Variants in HNRNPK observed in about 807,000 individuals in gnomAD.
The protein encoded by HNRNPK is heterogeneous nuclear ribonucleoprotein K.
Under a neutral mutation model 67.0 loss-of-function variants are expected in HNRNPK, and 7 were observed. The observed-to-expected ratio is 0.10, with a 90% CI of 0.06 to 0.20. The LOEUF (loss-of-function observed/expected upper bound fraction) is 0.20. Among genes scored for constraint, HNRNPK ranks in the 10% least tolerant of loss-of-function variants. HNRNPK has a pLI of 1.00. For synonymous variants in HNRNPK, 213 were observed against 193.7 expected, an observed-to-expected ratio of 1.10 and a Z score of -0.83; for missense variants, 264 against 606.5, an observed-to-expected ratio of 0.44 and a Z score of 5.93.
Position 83,968,754 on chromosome 9 carries a change from T to A in HNRNPK, c.*653A>T, listed in dbSNP as rs779874973. On this transcript the variant is annotated 3_prime_UTR_variant, in exon 17 of 17. Coordinates refer to ENST00000376263, the MANE Select transcript of HNRNPK (RefSeq NM_031263.4). ...CATCAAGAAATCACCAGAACTAAGTTTGCCAAGTTATTTTGCCTATGTCCA... is the reference window on the plus strand; with the variant it reads ...CATCAAGAAATCACCAGAACTAAGTATGCCAAGTTATTTTGCCTATGTCCA... 2 of 152,632 alleles carry A rather than the reference T, an allele frequency of 1.3e-5. No individual in the cohort carries two copies. The highest frequency in any genetic ancestry group is 2.9e-5 in the Non-Finnish European group (2 of 68,048). The allele number at this position is 152,632 out of a possible 1,614,324, so 9.5% of individuals were successfully genotyped here. A position where few individuals can be genotyped will look rare whatever the true frequency, so the allele number is the denominator to read the frequency against.
At position 83,972,978 on chromosome 9, in the gene HNRNPK, G is replaced by A; in HGVS notation, c.517-6C>T. ...TTGATGGTGGTTTGAGTGTTCTGTAGTAAGATCATAAAAAAAAATAATAAT... is the reference window on the plus strand; with the variant it reads ...TTGATGGTGGTTTGAGTGTTCTGTAATAAGATCATAAAAAAAAATAATAAT... On this transcript the variant is annotated splice_region_variant and splice_polypyrimidine_tract_variant and intron_variant, in intron 9 of 16. Coordinates refer to ENST00000376263, the MANE Select transcript of HNRNPK (RefSeq NM_031263.4). 3 of 1,566,372 alleles carry A rather than the reference G, an allele frequency of 1.9e-6. No individual in the cohort carries two copies. The highest frequency in any genetic ancestry group is 2.6e-6 in the Non-Finnish European group (3 of 1,155,382).
At chr9:83,971,138 C>T (rs1387307348) in intron 13 of HNRNPK, 135 bp downstream of exon 13, 3 of 798,758 alleles carry the variant, frequency 3.8e-6, no homozygotes, top group Non-Finnish European at 6.5e-6. Context: ...CTCATAAAAT[C>T]CCTCTTCAGG....
At chr9:83,971,194 G>T (rs778477178) in intron 13 of HNRNPK, 79 bp downstream of exon 13, 3 of 989,722 alleles carry the variant, frequency 3.0e-6, no homozygotes, top group Non-Finnish European at 4.9e-6. Context: ...TATCCTCAGG[G>T]GAATAAAAAA....
At chr9:83,970,585 A>T (rs995579822) in intron 15 of HNRNPK, 152 bp downstream of exon 15, 1 of 670,348 alleles carries the variant, frequency 1.5e-6, no homozygotes, top group African/African-American at 1.8e-5. Flanking sequence ...CAAGACTCAA[A>T]CAGCTGAAAA....
rs375704482 is a variant in HNRNPK, at chr9:83,970,802, C to T, written c.1126G>A (p.Gly376Ser). 3.2e-5 allele frequency: 51 copies of T among 1,610,128 alleles called. No individual in the cohort carries two copies. Among genetic ancestry groups the T allele is most frequent in the East Asian group, 4.5e-5 (2 of 44,830 alleles). ...CCAAGATCACCATATGAGCCACGACCCCCTGCATAGGAATAATCTGATTTA... is the reference window on the plus strand; with the variant it reads ...CCAAGATCACCATATGAGCCACGACTCCCTGCATAGGAATAATCTGATTTA... ...GSGYDYSYAG[G>S]RGSYGDLGGP... The change falls in exon 15 of 17, where the codon GGT becomes AGT. Residue 376 changes from glycine (G) to serine (S), a missense_variant. Around this residue, in one of 6 missense-constraint regions of HNRNPK, gnomAD observed 142 missense variants for 256.5 expected, o/e 0.55. Transcript: ENST00000376263.
chr9:83,976,795 A>C, intron 5 of HNRNPK, 200 bp downstream of exon 5: 1 of 418,652 alleles, frequency 2.4e-6, no homozygotes, highest in Non-Finnish European at 4.3e-6. Context: ...GTTTGAAAGA[A>C]ACCACCCCCC....
chr9:83,972,524 G>A (rs1250758665), intron 10 of HNRNPK, among the ~76,000 whole-genome samples: 3 of 152,170 alleles, frequency 2.0e-5, no homozygotes, highest in Non-Finnish European at 2.9e-5. Flanking sequence ...GGGCTGAAGA[G>A]ATCAGTCTTG....
Position 83,973,934 on chromosome 9 carries a change from G to C in HNRNPK, c.370C>G (p.Pro124Ala). 1 of 1,613,946 alleles carries C rather than the reference G, an allele frequency of 6.2e-7. No individual in the cohort carries two copies. The highest frequency in any genetic ancestry group is 1.1e-5 in the South Asian group (1 of 91,074). The change falls in exon 8 of 17, where the codon CCG (proline) becomes GCG (alanine). Residue 124 changes from proline to alanine, a missense_variant. By Grantham distance (27) the Pro-to-Ala change is conservative. This residue lies in a region of HNRNPK where 39 missense variants were observed against 54.4 expected (regional missense o/e 0.72). Transcript: ENST00000376263. ...LPSPTATSQL[P>A]LESDAVECLN... is the part of the protein sequence containing the mutation. ...CATTCCACAGCATCAGATTCGAGCG[G>C]GAGCTGGCTGGTTGCAGTGGGTGAT...
intron 4 of HNRNPK, 61 bp from the exon 5 acceptor site, chr9:83,977,112 C>T (rs572202204): frequency 2.0e-4 from 233 of 1,154,424 alleles, no homozygotes; most frequent in African/African-American, 1.7e-4. Flanking sequence ...TAGCTACCTA[C>T]GCTCTTAGAT....
rs890272103 is a variant in HNRNPK at position 83,971,830 on chromosome 9, T to A, written c.953+52A>T. ...CTAAGTGCAGCCTCTTGCAGGTTAA[T>A]AATTCATAGATGGGGGAAGAAAAAA... On this transcript the variant is annotated intron_variant, in intron 11 of 16. Transcript: ENST00000376263. 9 of 1,573,038 alleles carry A rather than the reference T, an allele frequency of 5.7e-6. No individual in the cohort carries two copies. In the African/African-American group the frequency reaches 1.1e-4, roughly 19 times the overall value.
chr9:83,978,486 G>A, intron 1 of HNRNPK, 34 bp from the exon 2 acceptor site: 1 of 682,476 alleles, frequency 1.5e-6, no homozygotes, highest in Middle Eastern at 4.9e-4. Context: ...TTTTGCTTTT[G>A]TTTATTCTTA....
At chr9:83,979,297 AACG>A (rs1215831464) in intron 1 of HNRNPK, among the ~76,000 whole-genome samples, 4 of 152,152 alleles carry the variant, frequency 2.6e-5, no homozygotes, top group African/African-American at 4.8e-5. Flanking sequence ...TTGCTCTCCT[AACG>A]ACAACTGAAA....
chr9:83,971,068 T>C, intron 13 of HNRNPK, 156 bp from the exon 14 acceptor site: 1 of 778,412 alleles, frequency 1.3e-6, no homozygotes, highest in Non-Finnish European at 2.2e-6. Flanking sequence ...CAGACTCTTT[T>C]GTAGTTGGGA....
intron 16 of HNRNPK, chr9:83,969,762 C>A: frequency 1.5e-6 from 1 of 657,762 alleles, no homozygotes; most frequent in Non-Finnish European, 2.9e-6. Flanking sequence ...AGAGGCATGG[C>A]CTGTGCCATA....
rs1391373871 is a variant in HNRNPK, at chr9:83,971,634, A to T, written c.1008+38T>A. The T allele has an allele frequency of 3.3e-6, 5 of 1,525,150 alleles. No individual in the cohort carries two copies. In the East Asian group the frequency reaches 1.1e-4, roughly 34 times the overall value. 94.5% of individuals were successfully genotyped at this position (1,525,150 alleles called of 1,614,324 possible). Reference sequence around the variant, plus strand: ...CGTGAACTACATTGTGACAACCCTCACATACCCAACACACTGGTAATAAAC... The same window carrying T: ...CGTGAACTACATTGTGACAACCCTCTCATACCCAACACACTGGTAATAAAC... On this transcript the variant is annotated intron_variant, in intron 12 of 16. Coordinates refer to ENST00000376263, the MANE Select transcript of HNRNPK (RefSeq NM_031263.4).
intron 8 of HNRNPK, among the ~76,000 whole-genome samples, chr9:83,973,672 T>A (rs542952868): frequency 6.6e-6 from 1 of 152,322 alleles, no homozygotes. Flanking sequence ...AAAATTATTA[T>A]TAACATTCAA....
intron 3 of HNRNPK, 145 bp downstream of exon 3, chr9:83,978,050 C>T: frequency 4.8e-6 from 3 of 625,786 alleles, no homozygotes; most frequent in South Asian, 2.0e-5. Context: ...TAAATAAAAG[C>T]TAAGATGTAA....
At position 83,969,307 on chromosome 9, in the gene HNRNPK, TAAA is replaced by T; in HGVS notation, c.*97_*99del. 1 of 633,704 alleles carries T rather than the reference TAAA, an allele frequency of 1.6e-6. No homozygotes were observed. Among genetic ancestry groups the T allele is most frequent in the Non-Finnish European group, 2.8e-6 (1 of 357,418 alleles). 39.3% of individuals were successfully genotyped at this position (633,704 alleles called of 1,614,324 possible). ...TGTTGGCTTTTTAAACAGAAGCAGA[TAAA>T]AAAAAAAAGATGCAGGACTCCTTCA... On this transcript the variant is annotated 3_prime_UTR_variant, in exon 17 of 17. Transcript: ENST00000376263.
chr9:83,970,427 C>T, intron 15 of HNRNPK, 96 bp from the exon 16 acceptor site: 1 of 994,936 alleles, frequency 1.0e-6, no homozygotes, highest in Non-Finnish European at 1.5e-6. Context: ...TTTATTCATT[C>T]AGAATCTTAA....
Sources: gnomAD v4.1 joint callset for allele counts (sites outside exome capture counted in the v4.1 genomes callset) on GRCh38, gnomAD v4.1.1 for gene constraint, gnomAD v4.1.1 regional missense constraint, MANE v1.5 for transcripts, NCBI Gene and HGNC (gene_info 2026-07-23, HGNC 2026-07-21) for gene names.